POLN: variants seen among roughly 807,000 people sequenced by gnomAD.
POLN encodes the protein DNA polymerase nu.
In POLN, 108 loss-of-function variants were observed where a neutral mutation model predicts 113.5. That is an observed-to-expected ratio of 0.95 (90% CI 0.81 to 1.12). The LOEUF is 1.12. POLN is among the 50% of genes most tolerant of loss of function. POLN has a pLI of 0.00. For synonymous variants in POLN, 386 were observed against 391.5 expected (o/e 0.99, Z 0.17); for missense variants, 1,097 against 1,077.1 (o/e 1.02, Z -0.26).
intron 19 of POLN, among the ~76,000 whole-genome samples, chr4:2,098,826 T>A (rs886492379): frequency 6.6e-6 from 1 of 152,144 alleles, no homozygotes; most frequent in Non-Finnish European, 1.5e-5. Context: ...ATTCCAGGAC[T>A]GGGGCAGGAA....
chr4:2,186,646 C>A (rs1157562918), intron 7 of POLN, among the ~76,000 whole-genome samples: 4 of 152,128 alleles, frequency 2.6e-5, no homozygotes, highest in East Asian at 1.9e-4. Context: ...TAATAAAAAA[C>A]CAAAACAAAC....
chr4:2,231,930 A>T, intron 2 of POLN: 1 of 1,267,598 alleles, frequency 7.9e-7, no homozygotes, highest in Non-Finnish European at 1.1e-6. Flanking sequence ...GTAATTTTCA[A>T]TCTTCAAGAC....
chr4:2,204,879 A>G (rs1577769683), intron 5 of POLN, among the ~76,000 whole-genome samples: 1 of 152,230 alleles, frequency 6.6e-6, no homozygotes, highest in African/African-American at 2.4e-5. Context: ...AGCATTCAAC[A>G]AAATCCAGCA....
At chr4:2,136,486 T>C (rs1247140089) in intron 16 of POLN, among the ~76,000 whole-genome samples, 1 of 152,248 alleles carries the variant, frequency 6.6e-6, no homozygotes, top group East Asian at 1.9e-4. Context: ...AGCATCTGTT[T>C]TCATGGTGAA....
intron 21 of POLN, among the ~76,000 whole-genome samples, chr4:2,083,882 T>C (rs1352449886): frequency 6.6e-6 from 1 of 152,108 alleles, no homozygotes; most frequent in Non-Finnish European, 1.5e-5. Context: ...AAACACTTTG[T>C]TTTTGACATG....
At chr4:2,217,682 C>G (rs1030532328) in intron 3 of POLN, among the ~76,000 whole-genome samples, 1 of 152,192 alleles carries the variant, frequency 6.6e-6, no homozygotes, top group Non-Finnish European at 1.5e-5. Flanking sequence ...CTCCAGAGTT[C>G]TAGGAGTCTG....
At chr4:2,222,545 C>G (rs1734285124) in intron 3 of POLN, among the ~76,000 whole-genome samples, 1 of 152,058 alleles carries the variant, frequency 6.6e-6, no homozygotes, top group Non-Finnish European at 1.5e-5. Flanking sequence ...AACAAAAACC[C>G]CTAGCACACC....
chr4:2,149,512 ACAGT>A (rs1263567647), intron 16 of POLN, among the ~76,000 whole-genome samples: 7 of 152,196 alleles, frequency 4.6e-5, no homozygotes, highest in Non-Finnish European at 1.0e-4. Context: ...GGCATTGGAA[ACAGT>A]AACTACATGG....
At chr4:2,132,088 TG>T (rs1731741225) in intron 16 of POLN, among the ~76,000 whole-genome samples, 1 of 152,172 alleles carries the variant, frequency 6.6e-6, no homozygotes, top group South Asian at 2.1e-4. Flanking sequence ...CCCTGGGAAG[TG>T]GTAAGGCCAC....
At chr4:2,236,092 G>C (rs1734753861) in intron 2 of POLN, 1 of 554,140 alleles carries the variant, frequency 1.8e-6, no homozygotes, top group Non-Finnish European at 3.2e-6. Flanking sequence ...ACAAAAATTA[G>C]GAGATATAGA....
In POLN at chr4:2,177,176, C is replaced by T. The variant is rs574536285; in HGVS notation, c.1180-842G>A. ...GCTGCCTGCAGGAGCCTTCCACACCCCAAAACTGACCATGTGACTCCTAGT... is the reference window on the plus strand; with the variant it reads ...GCTGCCTGCAGGAGCCTTCCACACCTCAAAACTGACCATGTGACTCCTAGT... On this transcript the variant is annotated intron_variant, in intron 8 of 25. Coordinates refer to ENST00000511885, the MANE Select transcript of POLN (RefSeq NM_181808.4). 3 of 334,960 alleles carry T rather than the reference C, an allele frequency of 9.0e-6. No homozygotes were observed. The East Asian group carries it at 3.3e-4, about 37-fold the overall frequency. The allele number at this position is 334,960 out of a possible 1,614,324, so 20.7% of individuals were successfully genotyped here. A position where few individuals can be genotyped will look rare whatever the true frequency, so the allele number is the denominator to read the frequency against.
chr4:2,096,321 C>T (rs1361718267), intron 19 of POLN, among the ~76,000 whole-genome samples: 2 of 152,222 alleles, frequency 1.3e-5, no homozygotes, highest in African/African-American at 2.4e-5. Flanking sequence ...CTAGGCCTAT[C>T]TAGTCCCACT....
At chr4:2,210,897 G>A (rs1733977049) in intron 4 of POLN, among the ~76,000 whole-genome samples, 1 of 147,246 alleles carries the variant, frequency 6.8e-6, no homozygotes, top group Admixed American at 6.8e-5. Context: ...CTCCTGCCTT[G>A]GTGACAGAGA....
intron 19 of POLN, among the ~76,000 whole-genome samples, chr4:2,112,273 C>T (rs1429610297): frequency 6.6e-6 from 1 of 152,078 alleles, no homozygotes; most frequent in Non-Finnish European, 1.5e-5. Context: ...GACCTAAAAC[C>T]ATAAAAACCC....
At position 2,198,536 on chromosome 4, in the gene POLN, T is replaced by C. The variant is rs1180429915; in HGVS notation, c.896A>G (p.Gln299Arg). The C allele has an allele frequency of 6.2e-7, 1 of 1,609,616 alleles. No individual in the cohort carries two copies. The highest frequency in any genetic ancestry group is 1.3e-5 in the African/African-American group (1 of 74,924). ...GAAGATTTCTTACCGGGCAAATTGTTGATGTGCCTCCTGTTCTTGGTCCCA... is the reference window on the plus strand; with the variant it reads ...GAAGATTTCTTACCGGGCAAATTGTCGATGTGCCTCCTGTTCTTGGTCCCA... The part of the protein sequence containing the change: ...AIWDQEQEAH[Q>R]QFARNVLFQT... The change falls in exon 6 of 26, where the codon CAA (glutamine) becomes CGA (arginine). Residue 299 changes from glutamine to arginine, a missense_variant. Transcript: ENST00000511885.
Position 2,075,042 on chromosome 4 carries a change from C to A in POLN, c.2455+410G>T, listed in dbSNP as rs540212439. ...CTAGGGGGCCTCAGTGACTCCAACA[C>A]CCCCAACAAGAACACCTGCTGCCAG... On this transcript the variant is annotated intron_variant, in intron 24 of 25. Coordinates refer to ENST00000511885, the MANE Select transcript of POLN (RefSeq NM_181808.4). Among the ~76,000 whole-genome samples the A allele has an allele frequency of 1.2e-4, 18 of 152,306 alleles. No homozygotes were observed. In the South Asian group the frequency reaches 1.2e-3, roughly 11 times the overall value.
intron 3 of POLN, among the ~76,000 whole-genome samples, chr4:2,225,893 C>G (rs971563141): frequency 1.3e-5 from 2 of 151,772 alleles, no homozygotes; most frequent in Non-Finnish European, 2.9e-5. Flanking sequence ...CCCAGCTACT[C>G]AGGAGGCTGA....
rs139910315 is a variant in POLN, at chr4:2,144,618, G to A, written c.1731+12170C>T. Among the ~76,000 whole-genome samples, 78 of 152,174 alleles carry A rather than the reference G, an allele frequency of 5.1e-4. 1 individual carries two copies. The East Asian group carries it at 0.013, about 26-fold the overall frequency. On this transcript the variant is annotated intron_variant, in intron 16 of 25. Transcript: ENST00000511885. ...CTACTGGAGGAAATTCCGTTACCTA[G>A]TGAATATAGGCTGTAAGAATGAATG...
intron 3 of POLN, among the ~76,000 whole-genome samples, chr4:2,215,231 T>C (rs1179475116): frequency 2.6e-5 from 4 of 152,092 alleles, no homozygotes; most frequent in Non-Finnish European, 5.9e-5. Flanking sequence ...TGTTAAAACA[T>C]AGATTGCAGG....
Sources: gnomAD v4.1 joint callset for allele counts (sites outside exome capture counted in the v4.1 genomes callset) on GRCh38, gnomAD v4.1.1 for gene constraint, MANE v1.5 for transcripts, NCBI Gene and HGNC (gene_info 2026-07-23, HGNC 2026-07-21) for gene names.